Variants in DPP6 observed in about 807,000 individuals in gnomAD.
The protein encoded by DPP6 is dipeptidyl peptidase like 6, also known as A-type potassium channel modulatory protein DPP6.
Under a neutral mutation model 122.6 loss-of-function variants are expected in DPP6, and 69 were observed. That is an observed-to-expected ratio of 0.56 (90% confidence interval 0.46 to 0.69). The LOEUF (loss-of-function observed/expected upper bound fraction) is 0.69. Ranked by LOEUF, DPP6 falls within the 30% of genes least tolerant of loss-of-function variation. DPP6 has a pLI of 0.00. For synonymous variants in DPP6, 418 were observed against 433.1 expected (o/e 0.97, Z 0.43); for missense variants, 928 against 1,116.9 (o/e 0.83, Z 2.41).
chr7:153,967,308 G>A (rs1795798429), intron 1 of DPP6, among the ~76,000 whole-genome samples: 1 of 152,128 alleles, frequency 6.6e-6, no homozygotes, highest in South Asian at 2.1e-4. Flanking sequence ...AGCTCAGCAC[G>A]ATATGTGACT....
At chr7:153,920,274 C>G (rs1370979082) in intron 1 of DPP6, among the ~76,000 whole-genome samples, 1 of 152,182 alleles carries the variant, frequency 6.6e-6, no homozygotes, top group Non-Finnish European at 1.5e-5. Context: ...TCCCTTGAAG[C>G]AAAGTTCTTT....
intron 3 of DPP6, among the ~76,000 whole-genome samples, chr7:154,540,203 C>G (rs1454521413): frequency 5.3e-5 from 8 of 152,328 alleles, no homozygotes; most frequent in African/African-American, 1.4e-4. Context: ...AAATTAGTCC[C>G]TTTACTAACA....
intron 3 of DPP6, among the ~76,000 whole-genome samples, chr7:154,537,517 C>T (rs965909499): frequency 6.6e-6 from 1 of 151,966 alleles, no homozygotes; most frequent in Non-Finnish European, 1.5e-5. Context: ...AGGCAAAACC[C>T]CGTCTCTACT....
intron 1 of DPP6, among the ~76,000 whole-genome samples, chr7:154,099,342 C>CA (rs1365019717): frequency 5.9e-5 from 9 of 151,898 alleles, no homozygotes; most frequent in African/African-American, 1.7e-4. Context: ...CAGTGAGCAA[C>CA]AAAAAACCTT....
intron 5 of DPP6, among the ~76,000 whole-genome samples, chr7:154,634,651 C>T (rs1563041004): frequency 1.3e-5 from 2 of 151,748 alleles, no homozygotes; most frequent in Non-Finnish European, 2.9e-5. Context: ...CTTCCTCCTC[C>T]TCCTCCTCTT....
intron 1 of DPP6, among the ~76,000 whole-genome samples, chr7:154,197,860 G>A (rs4726384): frequency 0.84 from 127,793 of 151,862 alleles, 53,865 homozygotes; most frequent in Non-Finnish European, 0.85. Flanking sequence ...CCAGACCGTT[G>A]GGAAGGAGAA....
At chr7:153,945,968 AG>A (rs1801930404) in intron 1 of DPP6, among the ~76,000 whole-genome samples, 1 of 152,150 alleles carries the variant, frequency 6.6e-6, no homozygotes, top group South Asian at 2.1e-4. Flanking sequence ...CCACCTTCTG[AG>A]GGTTCATGAA....
At chr7:154,184,759 G>C (rs1208836653) in intron 1 of DPP6, among the ~76,000 whole-genome samples, 1 of 151,660 alleles carries the variant, frequency 6.6e-6, no homozygotes, top group South Asian at 2.1e-4. Flanking sequence ...AAATTTCTGC[G>C]GGGAGGTTCA....
the DPP6 span, among the ~76,000 whole-genome samples, chr7:153,863,657 G>T: frequency 1.3e-5 from 2 of 152,092 alleles, no homozygotes; most frequent in African/African-American, 4.8e-5. Flanking sequence ...CCCATCGACT[G>T]AATTTAATTT....
At chr7:154,035,893 C>A (rs959917917) in intron 1 of DPP6, among the ~76,000 whole-genome samples, 6 of 151,928 alleles carry the variant, frequency 3.9e-5, no homozygotes, top group African/African-American at 1.5e-4. Context: ...GAGACCTTGG[C>A]AAACGTAAAG....
At chr7:154,453,781 TA>T (rs1403947216) in intron 2 of DPP6, among the ~76,000 whole-genome samples, 1 of 152,124 alleles carries the variant, frequency 6.6e-6, no homozygotes, top group Non-Finnish European at 1.5e-5. Context: ...ATTTATGGCA[TA>T]AATGTAATCA....
intron 1 of DPP6, among the ~76,000 whole-genome samples, chr7:154,214,530 C>A (rs1336860059): frequency 6.6e-6 from 1 of 152,180 alleles, no homozygotes; most frequent in African/African-American, 2.4e-5. Flanking sequence ...CACCTCCAAA[C>A]GCCACCTTGC....
At chr7:153,838,612 T>G in the DPP6 span, among the ~76,000 whole-genome samples, 1 of 150,394 alleles carries the variant, frequency 6.6e-6, no homozygotes, top group Non-Finnish European at 1.5e-5. Context: ...TTCCACTGAT[T>G]AAAATAACAG....
At chr7:154,557,515 G>A (rs1287359478) in intron 4 of DPP6, among the ~76,000 whole-genome samples, 4 of 152,076 alleles carry the variant, frequency 2.6e-5, no homozygotes, top group East Asian at 1.9e-4. Flanking sequence ...CCCAGTCACC[G>A]TTAGGCACTG....
chr7:153,798,084 C>T, the DPP6 span, among the ~76,000 whole-genome samples: 4,567 of 151,962 alleles, frequency 0.03, 81 homozygotes, highest in African/African-American at 0.048. Flanking sequence ...CCTCCTGATC[C>T]GCCCGCCTCG....
chr7:154,335,016 G>C (rs1156487170), intron 1 of DPP6, among the ~76,000 whole-genome samples: 2 of 151,844 alleles, frequency 1.3e-5, no homozygotes, highest in East Asian at 3.9e-4. Context: ...TCATAAGCCA[G>C]CAGATCCTCT....
At chr7:153,847,237 G>A in the DPP6 span, among the ~76,000 whole-genome samples, 1 of 152,162 alleles carries the variant, frequency 6.6e-6, no homozygotes, top group Admixed American at 6.5e-5. Context: ...CTACTCCATA[G>A]GCAGAGCAGC....
chr7:154,260,999 G>T (rs1802980240), intron 1 of DPP6, among the ~76,000 whole-genome samples: 1 of 151,986 alleles, frequency 6.6e-6, no homozygotes, highest in South Asian at 2.1e-4. Flanking sequence ...GGGTTCAAGT[G>T]ATTCTCCTGC....
intron 1 of DPP6, among the ~76,000 whole-genome samples, chr7:154,192,521 G>A (rs68147132): frequency 0.14 from 20,666 of 152,234 alleles, 1,554 homozygotes; most frequent in East Asian, 0.34. Flanking sequence ...TAGGGAATTC[G>A]TGAAAGAAAC....
Sources: allele counts gnomAD v4.1 joint callset (sites outside exome capture counted in the v4.1 genomes callset), GRCh38; gene constraint gnomAD v4.1.1; transcripts MANE v1.5; gene names NCBI Gene and HGNC (gene_info 2026-07-23, HGNC 2026-07-21).